The following HERC4 variants were observed in gnomAD, a reference collection of about 807,000 sequenced individuals.
The protein encoded by HERC4 is HECT and RLD domain containing E3 ubiquitin protein ligase 4.
A neutral mutation model predicts 124.3 loss-of-function variants in HERC4; 28 were observed. That is an observed-to-expected ratio of 0.23 (90% CI 0.17 to 0.31). HERC4 has a LOEUF of 0.31. Ranked by LOEUF, HERC4 falls within the 10% of genes least tolerant of loss-of-function variation. The pLI is 1.00. For missense variants in HERC4, 713 were observed against 1,229.3 expected (o/e 0.58, Z 6.28); for synonymous variants, 407 against 421.5 (o/e 0.97, Z 0.42).
chr10:67,962,865 C>T (rs1452310438), intron 16 of HERC4, among the ~76,000 whole-genome samples: 2 of 152,110 alleles, frequency 1.3e-5, no homozygotes, highest in Non-Finnish European at 1.5e-5. Flanking sequence ...AAATTTGTAG[C>T]CTGTGTCAAG....
intron 3 of HERC4, among the ~76,000 whole-genome samples, chr10:68,047,794 G>C (rs1293093995): frequency 6.6e-6 from 1 of 152,140 alleles, no homozygotes; most frequent in Non-Finnish European, 1.5e-5. Context: ...AATGCAAAAT[G>C]GTACAGCCAC....
intron 7 of HERC4, among the ~76,000 whole-genome samples, chr10:68,031,679 G>A (rs1004302619): frequency 6.6e-6 from 1 of 152,084 alleles, no homozygotes; most frequent in Non-Finnish European, 1.5e-5. Flanking sequence ...TGACAATAAC[G>A]AAGAATAATT....
chr10:67,998,560 AAAAG>A (rs2037035846), intron 9 of HERC4, among the ~76,000 whole-genome samples: 1 of 36,450 alleles, frequency 2.7e-5, no homozygotes. Context: ...TGAAAAAAAA[AAAAG>A]GGGGGGGGGT....
chr10:68,045,705 T>G (rs760495383), intron 3 of HERC4, among the ~76,000 whole-genome samples: 2 of 152,224 alleles, frequency 1.3e-5, no homozygotes, highest in African/African-American at 2.4e-5. Context: ...CCATTTAAAA[T>G]TAACTTTCTT....
At chr10:68,032,637 C>A in intron 7 of HERC4, 141 bp downstream of exon 7, 3 of 557,402 alleles carry the variant, frequency 5.4e-6, no homozygotes, top group South Asian at 5.5e-5. Context: ...CAAGAATAAT[C>A]TAAGTCTTTT....
chr10:68,051,473 T>G (rs879496736), intron 3 of HERC4, among the ~76,000 whole-genome samples: 1 of 149,886 alleles, frequency 6.7e-6, no homozygotes, highest in African/African-American at 2.5e-5. Flanking sequence ...GCCTCCTGAG[T>G]AGCTGGGACT....
At chr10:67,941,145 TA>T in intron 19 of HERC4, 40 bp from the exon 20 acceptor site, 1 of 1,352,852 alleles carries the variant, frequency 7.4e-7, no homozygotes, top group Non-Finnish European at 1.0e-6. Flanking sequence ...TCCTCCAAGT[TA>T]AAATATTAAA....
chr10:67,924,762 G>T (rs535944081), intron 24 of HERC4, among the ~76,000 whole-genome samples: 6 of 152,254 alleles, frequency 3.9e-5, no homozygotes, highest in Non-Finnish European at 7.4e-5. Flanking sequence ...TATGCCAAAG[G>T]ATGACTATAC....
intron 4 of HERC4, chr10:68,040,380 A>G (rs375475272): frequency 1.1e-6 from 1 of 947,044 alleles, no homozygotes; most frequent in African/African-American, 1.8e-5. Flanking sequence ...AATGGGGGAT[A>G]TTGGCTTTGT....
At chr10:68,001,363 C>T (rs966684695) in intron 9 of HERC4, among the ~76,000 whole-genome samples, 33 of 122,024 alleles carry the variant, frequency 2.7e-4, no homozygotes, top group African/African-American at 8.4e-4. Flanking sequence ...CAGAGTGAGA[C>T]CTTGTATTTA....
chr10:68,074,398 T>C (rs1334122248), intron 1 of HERC4, among the ~76,000 whole-genome samples: 1 of 152,182 alleles, frequency 6.6e-6, no homozygotes, highest in Non-Finnish European at 1.5e-5. Context: ...TTCATTCTTT[T>C]GGGGTATCAG....
At chr10:67,940,639 G>A (rs1467128841) in intron 20 of HERC4, among the ~76,000 whole-genome samples, 3 of 151,898 alleles carry the variant, frequency 2.0e-5, no homozygotes, top group Non-Finnish European at 4.4e-5. Flanking sequence ...TACTAGTCTC[G>A]AACTCCTGAC....
At chr10:68,037,691 T>G (rs1356408619) in intron 5 of HERC4, among the ~76,000 whole-genome samples, 1 of 152,080 alleles carries the variant, frequency 6.6e-6, no homozygotes, top group Admixed American at 6.6e-5. Flanking sequence ...AATGACACCA[T>G]TCACAACAAC....
intron 11 of HERC4, 48 bp from the exon 12 acceptor site, chr10:67,991,247 T>C (rs1351177667): frequency 5.7e-6 from 6 of 1,060,452 alleles, no homozygotes; most frequent in Non-Finnish European, 6.7e-6. Flanking sequence ...AGAAATTTAA[T>C]TGTTTACCCT....
chr10:68,033,128 C>T (rs1164216360), intron 6 of HERC4, among the ~76,000 whole-genome samples: 3 of 152,130 alleles, frequency 2.0e-5, no homozygotes, highest in Middle Eastern at 3.4e-3. Flanking sequence ...CAAGAAATTT[C>T]AAAATTATCT....
At chr10:68,050,112 G>C (rs912984221) in intron 3 of HERC4, among the ~76,000 whole-genome samples, 5 of 152,058 alleles carry the variant, frequency 3.3e-5, no homozygotes, top group Admixed American at 2.0e-4. Flanking sequence ...AGAATCACCT[G>C]ATCCTGGGAG....
At chr10:67,992,502 C>CT (rs2036606486) in intron 10 of HERC4, 104 bp downstream of exon 10, 1 of 1,078,438 alleles carries the variant, frequency 9.3e-7, no homozygotes, top group Non-Finnish European at 1.3e-6. Flanking sequence ...GGGAAAAAAA[C>CT]TAAGGCAATT....
At chr10:68,022,720 T>C (rs1210180363) in intron 8 of HERC4, among the ~76,000 whole-genome samples, 1 of 151,846 alleles carries the variant, frequency 6.6e-6, no homozygotes, top group East Asian at 1.9e-4. Context: ...TAAAGCTTCA[T>C]GCATCAAAAG....
intron 14 of HERC4, among the ~76,000 whole-genome samples, chr10:67,989,164 TAC>T (rs1418829845): frequency 2.0e-5 from 3 of 152,062 alleles, no homozygotes; most frequent in South Asian, 2.1e-4. Flanking sequence ...TTTTGAAAAT[TAC>T]AGTTTCAATT....
Sources: allele counts gnomAD v4.1 joint callset (sites outside exome capture counted in the v4.1 genomes callset), GRCh38; gene constraint gnomAD v4.1.1; transcripts MANE v1.5; gene names NCBI Gene and HGNC (gene_info 2026-07-23, HGNC 2026-07-21).